The following PKHD1L1 variants were observed in gnomAD, a reference collection of about 807,000 sequenced individuals.
The protein encoded by PKHD1L1 is fibrocystin-L.
PKHD1L1 carries 434 observed loss-of-function variants against 462.9 expected under a neutral mutation model. The observed-to-expected ratio is 0.94, with a 90% CI of 0.87 to 1.02. PKHD1L1 has a LOEUF of 1.02. PKHD1L1 is among the 50% of genes least tolerant of loss of function. The pLI is 0.00. For missense variants in PKHD1L1, 5,202 were observed against 5,096.1 expected, an observed-to-expected ratio of 1.02 and a Z score of -0.63; for synonymous variants, 1,781 against 1,750.0, an observed-to-expected ratio of 1.02 and a Z score of -0.44.
chr8:109,396,108 C>T lies in PKHD1L1; in HGVS notation c.893C>T (p.Thr298Ile), dbSNP rs867962820. 2.5e-6 allele frequency: 4 copies of T among 1,608,508 alleles called. No homozygotes were observed. The highest frequency in any genetic ancestry group is 2.2e-5 in the East Asian group (1 of 44,746). ...ATAAGTGGGCGTTTCTTTGATCAGA[C>T]AGATTTCCCCGTCAGAGTTCTAGTT... Reference protein sequence around the residue: ...LTISGRFFDQTDFPVRVLVGG... With the variant: ...LTISGRFFDQIDFPVRVLVGG... Residue 298 changes from threonine (T) to isoleucine (I), a missense_variant, in exon 11 of 78, where the codon ACA (threonine) becomes ATA (isoleucine). This residue lies in a region of PKHD1L1 where 4,497 missense variants were observed against 4,336.8 expected (regional missense o/e 1.04). Coordinates refer to ENST00000378402, the MANE Select transcript of PKHD1L1 (RefSeq NM_177531.6).
Position 109,427,045 on chromosome 8 carries a change from C to G in PKHD1L1, c.2889C>G (p.Leu963=). The G allele has an allele frequency of 6.2e-7, 1 of 1,612,156 alleles. No homozygotes were observed. The highest frequency in any genetic ancestry group is 8.5e-7 in the Non-Finnish European group (1 of 1,178,270). ...CAGCTGCAGATCTGCAGTTTGCACT[C>G]CAGAGTCTGGAGGGAATGGGAAGAA... is the stretch of plus-strand genomic sequence containing the variant. ...AVSAADLQFA[L]QSLEGMGRIS... The change falls in exon 25 of 78, where the codon CTC becomes CTG. Residue 963 remains leucine, a synonymous_variant. Transcript: ENST00000378402.
intron 20 of PKHD1L1, 83 bp downstream of exon 20, chr8:109,412,497 A>T: frequency 7.3e-7 from 1 of 1,365,504 alleles, no homozygotes; most frequent in Non-Finnish European, 9.8e-7. Flanking sequence ...GACAAGAAAA[A>T]ATATTTGCCA....
intron 27 of PKHD1L1, among the ~76,000 whole-genome samples, chr8:109,431,994 AC>A (rs1313048786): frequency 1.3e-5 from 2 of 152,182 alleles, no homozygotes; most frequent in African/African-American, 4.8e-5. Flanking sequence ...CCTAATTTTA[AC>A]TATTCCGATG....
In PKHD1L1 at chr8:109,497,163, T is replaced by A; in HGVS notation, c.10490T>A (p.Val3497Glu). 6.2e-7 allele frequency: 1 copy of A among 1,613,822 alleles called. No individual in the cohort carries two copies. Among genetic ancestry groups the A allele is most frequent in the African/African-American group, 1.3e-5 (1 of 75,030 alleles). The change falls in exon 65 of 78, where the codon GTG becomes GAG. Residue 3497 changes from valine to glutamate, a missense_variant. By Grantham distance (121) the Val-to-Glu change is moderately radical (BLOSUM62 -2). Transcript: ENST00000378402. ...YGIYFQTTES[V>E]HIYNVTLVDN... Reference sequence around the variant, plus strand: ...ATTCTATTGCAGACCACAGAGAGTGTGCACATTTATAATGTGACCCTGGTT... The same window carrying A: ...ATTCTATTGCAGACCACAGAGAGTGAGCACATTTATAATGTGACCCTGGTT...
intron 31 of PKHD1L1, 116 bp downstream of exon 31, chr8:109,438,572 T>C (rs1003952726): frequency 2.4e-5 from 22 of 909,064 alleles, no homozygotes; most frequent in Non-Finnish European, 1.6e-6. Flanking sequence ...AAACCAGTTA[T>C]AGTGTTATGT....
intron 2 of PKHD1L1, among the ~76,000 whole-genome samples, chr8:109,379,271 C>A (rs1811992617): frequency 6.6e-6 from 1 of 152,184 alleles, no homozygotes; most frequent in South Asian, 2.1e-4. Context: ...ACTGACCCTC[C>A]AATTATGGGC....
intron 21 of PKHD1L1, among the ~76,000 whole-genome samples, chr8:109,415,028 G>A (rs915314422): frequency 6.6e-6 from 1 of 150,520 alleles, no homozygotes; most frequent in African/African-American, 2.4e-5. Flanking sequence ...GACAGGGTCT[G>A]ATTCTGTCAC....
chr8:109,463,211 G>A (rs1217023043), intron 48 of PKHD1L1, among the ~76,000 whole-genome samples: 2 of 152,052 alleles, frequency 1.3e-5, no homozygotes, highest in Non-Finnish European at 2.9e-5. Context: ...AAACTCCTGT[G>A]TATCTTATTT....
At chr8:109,500,520 CAA>C (rs542817713) in intron 67 of PKHD1L1, among the ~76,000 whole-genome samples, 68 of 43,690 alleles carry the variant, frequency 1.6e-3, no homozygotes, top group African/African-American at 4.3e-3. Flanking sequence ...ACTAAAAATA[CAA>C]AAAAAAAAAA....
At chr8:109,527,354 A>T (rs1181535094) in intron 77 of PKHD1L1, among the ~76,000 whole-genome samples, 1 of 151,948 alleles carries the variant, frequency 6.6e-6, no homozygotes, top group Non-Finnish European at 1.5e-5. Context: ...ATATAAAAAA[A>T]TTAGCTGGGC....
chr8:109,390,869 A>G (rs1385482281), intron 9 of PKHD1L1, among the ~76,000 whole-genome samples: 1 of 152,160 alleles, frequency 6.6e-6, no homozygotes, highest in African/African-American at 2.4e-5. Flanking sequence ...CCTGATAAAG[A>G]TTTTCTTTTA....
rs566381343 is a variant in PKHD1L1, at chr8:109,376,961, G to A, written c.164-4409G>A. ...CCTGCCACGTAGCTTTACCAGAACT[G>A]GAGGTGAGAGGCTTTGATATCTGAT... On this transcript the variant is annotated intron_variant, in intron 2 of 77. Coordinates refer to ENST00000378402, the MANE Select transcript of PKHD1L1 (RefSeq NM_177531.6). 2.6e-4 allele frequency among the ~76,000 whole-genome samples: 39 copies of A among 152,294 alleles called. 1 individual carries two copies. The South Asian group carries it at 8.1e-3, about 32-fold the overall frequency.
chr8:109,427,597 AAGGG>A lies in PKHD1L1; in HGVS notation c.3000+444_3000+447del, dbSNP rs140167257. ...TAAAGATGATTTTTTCCAAGTTCAT[AAGGG>A]AGTAACACCTTAGGCTGTCATCTAA... On this transcript the variant is annotated intron_variant, in intron 25 of 77. Coordinates refer to ENST00000378402, the MANE Select transcript of PKHD1L1 (RefSeq NM_177531.6). 4.2e-3 allele frequency among the ~76,000 whole-genome samples: 637 copies of A among 152,286 alleles called. 7 individuals carry two copies. The highest frequency in any genetic ancestry group is 0.015 in the African/African-American group (611 of 41,558).
chr8:109,381,270 T>G, intron 2 of PKHD1L1, 100 bp from the exon 3 acceptor site: 1 of 1,032,316 alleles, frequency 9.7e-7, no homozygotes, highest in Non-Finnish European at 1.4e-6. Flanking sequence ...CAGTAATGTT[T>G]ATGAAATCAT....
intron 5 of PKHD1L1, among the ~76,000 whole-genome samples, chr8:109,384,810 T>A (rs1812348039): frequency 6.6e-6 from 1 of 152,126 alleles, no homozygotes; most frequent in South Asian, 2.1e-4. Flanking sequence ...GTAATTAAAC[T>A]TATTTTTTGC....
intron 14 of PKHD1L1, among the ~76,000 whole-genome samples, chr8:109,404,272 A>T (rs1259819534): frequency 6.6e-6 from 1 of 152,178 alleles, no homozygotes. Flanking sequence ...GTTGAGTATA[A>T]GAAATAGTAT....
chr8:109,374,050 G>T (rs1811668292), intron 2 of PKHD1L1, among the ~76,000 whole-genome samples: 1 of 152,080 alleles, frequency 6.6e-6, no homozygotes, highest in Non-Finnish European at 1.5e-5. Flanking sequence ...TCAATTCCTG[G>T]ATATCCTTGT....
At chr8:109,475,930 T>C (rs1817967110) in intron 51 of PKHD1L1, among the ~76,000 whole-genome samples, 1 of 149,238 alleles carries the variant, frequency 6.7e-6, no homozygotes, top group Non-Finnish European at 1.5e-5. Flanking sequence ...ATAAAAAAAG[T>C]AAAATATGGT....
intron 63 of PKHD1L1, among the ~76,000 whole-genome samples, chr8:109,495,123 G>T (rs1180038328): frequency 2.0e-5 from 3 of 151,606 alleles, no homozygotes; most frequent in Non-Finnish European, 2.9e-5. Context: ...AACATTTTTA[G>T]ACTTAAGCTG....
Sources: allele counts gnomAD v4.1 joint callset (sites outside exome capture counted in the v4.1 genomes callset), GRCh38; gene constraint gnomAD v4.1.1; regional missense constraint gnomAD v4.1.1; transcripts MANE v1.5; gene names NCBI Gene and HGNC (gene_info 2026-07-23, HGNC 2026-07-21).